Variants in OSBPL10 observed in about 807,000 individuals in gnomAD.
OSBPL10 encodes the protein oxysterol-binding protein-related protein 10.
Under a neutral mutation model 81.7 loss-of-function variants are expected in OSBPL10, and 49 were observed. The ratio of observed to expected loss-of-function variants is 0.60; its 90% confidence interval spans 0.48 to 0.76. The LOEUF (loss-of-function observed/expected upper bound fraction) is 0.76, where lower values mean the gene tolerates loss of function less well. Ranked by LOEUF, OSBPL10 falls within the 30% of genes least tolerant of loss-of-function variation. OSBPL10 has a pLI of 0.00. For missense variants in OSBPL10, 923 were observed against 987.8 expected (o/e 0.93, Z 0.88); for synonymous variants, 419 against 383.6 (o/e 1.09, Z -1.08).
At chr3:31,806,300 A>C (rs1699522336) in intron 4 of OSBPL10, among the ~76,000 whole-genome samples, 1 of 152,206 alleles carries the variant, frequency 6.6e-6, no homozygotes, top group Admixed American at 6.5e-5. Context: ...CTTGTGTCCA[A>C]ATCACCATTT....
Position 31,723,572 on chromosome 3 carries a change from C to CACACACACACA in OSBPL10, c.1095+9684_1095+9685insTGTGTGTGTGT, listed in dbSNP as rs753039730. Among the ~76,000 whole-genome samples the CACACACACACA allele has an allele frequency of 5.7e-3, 837 of 146,742 alleles. 5 individuals carry two copies. Among genetic ancestry groups the CACACACACACA allele is most frequent in the African/African-American group, 0.018 (658 of 37,600 alleles). ...CACACACACACACACACACACACAC[C>CACACACACACA]CCTTTCCCTCTAGTTGCTCACATCC... On this transcript the variant is annotated intron_variant, in intron 6 of 11. Coordinates refer to ENST00000396556, the MANE Select transcript of OSBPL10 (RefSeq NM_017784.5).
chr3:31,876,903 CTTTTTTTT>C (rs35788348), intron 2 of OSBPL10, among the ~76,000 whole-genome samples: 1 of 131,758 alleles, frequency 7.6e-6, no homozygotes, highest in Non-Finnish European at 1.6e-5. Context: ...TCAAATGGCA[CTTTTTTTT>C]TTTTTTTTTT....
At chr3:32,017,940 G>C (rs1307633957) in intron 2 of OSBPL10, among the ~76,000 whole-genome samples, 1 of 152,058 alleles carries the variant, frequency 6.6e-6, no homozygotes, top group Non-Finnish European at 1.5e-5. Context: ...CTTGAGGTCA[G>C]GAGTTCGAGA....
intron 1 of OSBPL10, among the ~76,000 whole-genome samples, chr3:31,964,495 C>A (rs2125469997): frequency 6.6e-6 from 1 of 152,330 alleles, no homozygotes; most frequent in East Asian, 1.9e-4. Flanking sequence ...GGTCTCAGAA[C>A]CTCTTTCATC....
intron 1 of OSBPL10, among the ~76,000 whole-genome samples, chr3:31,948,664 C>G (rs994416769): frequency 1.3e-5 from 2 of 152,084 alleles, no homozygotes; most frequent in Non-Finnish European, 2.9e-5. Context: ...TTCAATGCAC[C>G]CCAGGAGTGT....
At chr3:31,933,406 A>AT (rs372720220) in intron 1 of OSBPL10, among the ~76,000 whole-genome samples, 8,044 of 148,226 alleles carry the variant, frequency 0.054, 413 homozygotes, top group East Asian at 0.27. Flanking sequence ...GAAACAATAA[A>AT]TTTTTTTTTT....
At chr3:31,667,252 C>A (rs747759233) in intron 10 of OSBPL10, among the ~76,000 whole-genome samples, 3 of 152,222 alleles carry the variant, frequency 2.0e-5, no homozygotes, top group Non-Finnish European at 2.9e-5. Context: ...TTATCGCAGC[C>A]TTTCCCTTGT....
At chr3:31,912,875 G>A (rs1467165365) in intron 1 of OSBPL10, among the ~76,000 whole-genome samples, 2 of 152,118 alleles carry the variant, frequency 1.3e-5, no homozygotes, top group African/African-American at 4.8e-5. Flanking sequence ...TTCCTTCTCT[G>A]CTGCTCAAGA....
chr3:31,662,013 C>T lies in OSBPL10; in HGVS notation c.*59G>A. On this transcript the variant is annotated 3_prime_UTR_variant, in exon 12 of 12. Transcript: ENST00000396556. ...ATGCCAACAAAACCCTGATACTCTA[C>T]TACTTTAATATTCCTACAAAAACAG... 6.3e-7 allele frequency: 1 copy of T among 1,597,320 alleles called. No individual in the cohort carries two copies. The highest frequency in any genetic ancestry group is 8.5e-7 in the Non-Finnish European group (1 of 1,173,320).
intron 8 of OSBPL10, among the ~76,000 whole-genome samples, chr3:31,678,827 T>C (rs190661075): frequency 6.5e-4 from 84 of 128,700 alleles, no homozygotes; most frequent in Non-Finnish European, 1.1e-3. Flanking sequence ...TGTGTGTGTG[T>C]GTGTAGGAGG....
upstream of OSBPL10, among the ~76,000 whole-genome samples, chr3:31,985,526 A>G (rs1001598618): frequency 1.3e-5 from 2 of 152,204 alleles, no homozygotes; most frequent in African/African-American, 2.4e-5. Context: ...ATGGACCTGG[A>G]GGGCTGGTCT....
At chr3:31,794,789 T>C in intron 4 of OSBPL10, 1 of 312,544 alleles carries the variant, frequency 3.2e-6, no homozygotes, top group South Asian at 3.7e-5. Context: ...ATTTTTCACT[T>C]GGCACAGCAG....
chr3:31,905,201 G>T (rs910710567), intron 1 of OSBPL10, among the ~76,000 whole-genome samples: 4 of 151,962 alleles, frequency 2.6e-5, no homozygotes, highest in African/African-American at 9.7e-5. Context: ...ATTTTTCAGG[G>T]GCATGAGTTT....
At chr3:31,786,776 T>C (rs754138226) in intron 4 of OSBPL10, among the ~76,000 whole-genome samples, 5 of 152,214 alleles carry the variant, frequency 3.3e-5, no homozygotes, top group Non-Finnish European at 5.9e-5. Flanking sequence ...GTTTTGGTTT[T>C]CTTAAGTCTT....
intron 1 of OSBPL10, among the ~76,000 whole-genome samples, chr3:31,884,846 T>C (rs1287888926): frequency 6.6e-6 from 1 of 152,076 alleles, no homozygotes; most frequent in Non-Finnish European, 1.5e-5. Flanking sequence ...GCTGTGTTGG[T>C]GAACTTAATT....
intron 3 of OSBPL10, among the ~76,000 whole-genome samples, chr3:31,863,618 G>C (rs1701108932): frequency 6.6e-6 from 1 of 152,178 alleles, no homozygotes; most frequent in African/African-American, 2.4e-5. Flanking sequence ...ACTTAGCATA[G>C]TATCTGCCAC....
intron 1 of OSBPL10, among the ~76,000 whole-genome samples, chr3:31,942,342 G>A (rs1697559565): frequency 6.6e-6 from 1 of 151,564 alleles, no homozygotes; most frequent in African/African-American, 2.4e-5. Context: ...AGGAGTTTGA[G>A]ACCAGCCTGG....
At chr3:31,733,174 G>T in intron 6 of OSBPL10, 83 bp downstream of exon 6, 1 of 1,542,770 alleles carries the variant, frequency 6.5e-7, no homozygotes. Context: ...ACAAAGAGAT[G>T]AGCAAGTTAC....
chr3:32,040,738 G>A (rs1699567167), intron 2 of OSBPL10, among the ~76,000 whole-genome samples: 1 of 152,168 alleles, frequency 6.6e-6, no homozygotes, highest in Non-Finnish European at 1.5e-5. Flanking sequence ...ACAGGAGGCT[G>A]AGGTGGGAAG....
Sources: gnomAD v4.1 joint callset for allele counts (sites outside exome capture counted in the v4.1 genomes callset) on GRCh38, gnomAD v4.1.1 for gene constraint, MANE v1.5 for transcripts, NCBI Gene and HGNC (gene_info 2026-07-23, HGNC 2026-07-21) for gene names.